The following ABCC12 variants were observed in gnomAD, a reference collection of about 807,000 sequenced individuals.
ABCC12 encodes ATP-binding cassette sub-family C member 12.
A neutral mutation model predicts 151.1 loss-of-function variants in ABCC12; 142 were observed. The ratio of observed to expected loss-of-function variants is 0.94; its 90% CI spans 0.82 to 1.08. ABCC12 has a LOEUF of 1.08. Among genes scored for constraint, ABCC12 ranks in the 50% least tolerant of loss-of-function variants. The probability of loss-of-function intolerance (pLI) is 0.00; values close to 1 mark genes in which losing one functional copy is unlikely to be tolerated. For missense variants in ABCC12, 1,638 were observed against 1,691.1 expected, an observed-to-expected ratio of 0.97 and a Z score of 0.55; for synonymous variants, 645 against 646.4, an observed-to-expected ratio of 1.00 and a Z score of 0.03.
At chr16:48,086,627 A>C (rs998170021) in intron 28 of ABCC12, 114 bp downstream of exon 28, 4 of 891,452 alleles carry the variant, frequency 4.5e-6, no homozygotes, top group Admixed American at 3.7e-5. Flanking sequence ...TGGTGTCTAC[A>C]AATAAACCTG....
rs188175985 is a variant in ABCC12, at chr16:48,090,537, C to A, written c.3285+583G>T. ...GAGATTACAGGTGTGAGCCACTGAG[C>A]CTGGCAAAATATTAATTTTTAGAAA... On this transcript the variant is annotated intron_variant, in intron 25 of 30. Coordinates refer to ENST00000311303, the MANE Select transcript of ABCC12 (RefSeq NM_001393797.1). 2.5e-3 allele frequency among the ~76,000 whole-genome samples: 378 copies of A among 151,642 alleles called. 2 individuals are homozygous for A. The highest frequency in any genetic ancestry group is 4.1e-3 in the Non-Finnish European group (280 of 67,978).
At chr16:48,099,623 G>C (rs1424315887) in intron 23 of ABCC12, among the ~76,000 whole-genome samples, 1 of 152,148 alleles carries the variant, frequency 6.6e-6, no homozygotes, top group South Asian at 2.1e-4. Flanking sequence ...CCTTGCGTTA[G>C]GTGAGCCCAT....
chr16:48,134,390 G>C (rs1014263059), intron 8 of ABCC12, among the ~76,000 whole-genome samples: 32 of 152,212 alleles, frequency 2.1e-4, no homozygotes, highest in African/African-American at 7.7e-4. Flanking sequence ...TGATAAGCAA[G>C]AAGGTAACAA....
chr16:48,140,593 G>A lies in ABCC12; in HGVS notation c.657+94C>T. On this transcript the variant is annotated intron_variant, in intron 6 of 30. Coordinates refer to ENST00000311303, the MANE Select transcript of ABCC12 (RefSeq NM_001393797.1). ...TGGGCAGGTCATAGACAAGCAAAAG[G>A]AAGGCAGGTGCTCCACTCAGGATCC... 4.9e-6 allele frequency: 6 copies of A among 1,218,934 alleles called. 1 individual carries two copies. The highest frequency in any genetic ancestry group is 4.2e-5 in the South Asian group (3 of 71,724). 75.5% of individuals were successfully genotyped at this position (1,218,934 alleles called of 1,614,324 possible).
Position 48,111,612 on chromosome 16 carries a change from G to T in ABCC12, c.2175C>A (p.Ser725Arg). Residue 725 changes from serine to arginine, a missense_variant, in exon 17 of 31, where the codon AGC becomes AGA. Transcript: ENST00000311303. The stretch of plus-strand genomic sequence containing the variant: ...CAGCATCTTCCTCTCTCTCAGCAGG[G>T]CTCTCCTTGAAGGCTTCCACCATTG... The part of the protein sequence containing the change: ...NAAMVEAFKE[S>R]PAEREEDAGI... The T allele has an allele frequency of 5.0e-6, 8 of 1,614,148 alleles. No homozygotes were observed. The highest frequency in any genetic ancestry group is 6.8e-6 in the Non-Finnish European group (8 of 1,180,024).
chr16:48,083,670 A>G lies in ABCC12; in HGVS notation c.*45T>C, dbSNP rs768722658. 1 of 1,595,644 alleles carries G rather than the reference A, an allele frequency of 6.3e-7. No individual in the cohort carries two copies. Among genetic ancestry groups the G allele is most frequent in the South Asian group, 1.1e-5 (1 of 90,502 alleles). On this transcript the variant is annotated 3_prime_UTR_variant, in exon 31 of 31. Coordinates refer to ENST00000311303, the MANE Select transcript of ABCC12 (RefSeq NM_001393797.1). ...CTCCTCCTGAAGACTCCTCCTATTC[A>G]TCTCACAGAGCCTCTTCCTCCTCTA...
chr16:48,100,435 CT>C (rs1963261874), intron 23 of ABCC12, among the ~76,000 whole-genome samples: 1 of 151,614 alleles, frequency 6.6e-6, no homozygotes, highest in Non-Finnish European at 1.5e-5. Context: ...CTATTTCAAA[CT>C]GTTAAATAAA....
intron 2 of ABCC12, among the ~76,000 whole-genome samples, chr16:48,147,912 T>C (rs1965052268): frequency 6.6e-6 from 1 of 152,210 alleles, no homozygotes; most frequent in Admixed American, 6.5e-5. Context: ...GATGAAAAGC[T>C]CTTTAATCAT....
In ABCC12 at chr16:48,083,506, T is replaced by A. The variant is rs903200296; in HGVS notation, c.*209A>T. On this transcript the variant is annotated 3_prime_UTR_variant, in exon 31 of 31. Transcript: ENST00000311303. ...AATCCATTAGCTGGGTCTGCCCCGG[T>A]TCACCACCCAGAACCAACCCCAAGC... 1 of 577,072 alleles carries A rather than the reference T, an allele frequency of 1.7e-6. No individual in the cohort carries two copies. The highest frequency in any genetic ancestry group is 1.9e-5 in the African/African-American group (1 of 52,404). 35.7% of individuals were successfully genotyped at this position (577,072 alleles called of 1,614,324 possible).
At chr16:48,115,335 G>A (rs937919728) in intron 15 of ABCC12, 80 bp downstream of exon 15, 27 of 1,463,306 alleles carry the variant, frequency 1.8e-5, no homozygotes, top group Non-Finnish European at 2.4e-5. Context: ...GCAGATATAG[G>A]CAGAAGAGGA....
chr16:48,131,811 A>T (rs1202806198), intron 9 of ABCC12, among the ~76,000 whole-genome samples: 1 of 152,186 alleles, frequency 6.6e-6, no homozygotes, highest in Non-Finnish European at 1.5e-5. Flanking sequence ...TAGTCCCTTC[A>T]TTAAAAGGAT....
chr16:48,117,503 G>A (rs1567451648), intron 13 of ABCC12, among the ~76,000 whole-genome samples, 170 bp from the exon 14 acceptor site: 1 of 152,322 alleles, frequency 6.6e-6, no homozygotes, highest in African/African-American at 2.4e-5. Context: ...CAAGGGTAGC[G>A]TCCCAGTGAC....
At chr16:48,144,158 C>G in intron 3 of ABCC12, 93 bp from the exon 4 acceptor site, 1 of 1,418,370 alleles carries the variant, frequency 7.1e-7, no homozygotes, top group Non-Finnish European at 9.5e-7. Context: ...GCAACAACCA[C>G]AGCTGCACTC....
At chr16:48,100,552 G>C (rs773716938) in intron 23 of ABCC12, among the ~76,000 whole-genome samples, 2 of 152,308 alleles carry the variant, frequency 1.3e-5, no homozygotes, top group East Asian at 3.9e-4. Flanking sequence ...TGGGTTTGGG[G>C]AGGGGCTGTA....
rs929878699 is a variant in ABCC12, at chr16:48,082,916, G to A, written c.*799C>T. 2 of 152,214 alleles carry A rather than the reference G, an allele frequency of 1.3e-5. No individual in the cohort carries two copies. The highest frequency in any genetic ancestry group is 4.8e-5 in the African/African-American group (2 of 41,440). 9.4% of individuals were successfully genotyped at this position (152,214 alleles called of 1,614,324 possible). On this transcript the variant is annotated 3_prime_UTR_variant, in exon 31 of 31. Transcript: ENST00000311303. ...CATCAGAACCAGCCTCCAGGTTGGA[G>A]AGAAAGCTTTTTGTTTGGTAAGCGA...
chr16:48,127,859 T>C (rs907269892), intron 11 of ABCC12, among the ~76,000 whole-genome samples: 3 of 151,934 alleles, frequency 2.0e-5, no homozygotes, highest in Non-Finnish European at 4.4e-5. Flanking sequence ...AGGCCAGGAG[T>C]TCGAGCCTGG....
intron 15 of ABCC12, among the ~76,000 whole-genome samples, chr16:48,112,566 G>A (rs1963734074): frequency 6.6e-6 from 1 of 152,190 alleles, no homozygotes; most frequent in Non-Finnish European, 1.5e-5. Context: ...CTGCACTCCA[G>A]CCTGGATGAC....
intron 27 of ABCC12, 127 bp downstream of exon 27, chr16:48,087,799 C>G: frequency 9.6e-7 from 1 of 1,045,200 alleles, no homozygotes. Context: ...GTGAGCCCCC[C>G]TGGGATACTG....
chr16:48,127,527 G>T (rs1964279897), intron 11 of ABCC12, among the ~76,000 whole-genome samples: 1 of 152,128 alleles, frequency 6.6e-6, no homozygotes, highest in African/African-American at 2.4e-5. Context: ...GTGGTTAAGA[G>T]CCCAGACTCT....
Sources: gnomAD v4.1 joint callset for allele counts (sites outside exome capture counted in the v4.1 genomes callset) on GRCh38, gnomAD v4.1.1 for gene constraint, MANE v1.5 for transcripts, NCBI Gene and HGNC (gene_info 2026-07-23, HGNC 2026-07-21) for gene names.